The following KCNMB2 variants were observed in gnomAD, a reference collection of about 807,000 sequenced individuals.
KCNMB2 encodes potassium calcium-activated channel subfamily M regulatory beta subunit 2, also known as calcium-activated potassium channel subunit beta-2.
A neutral mutation model predicts 24.5 loss-of-function variants in KCNMB2; 9 were observed. The ratio of observed to expected loss-of-function variants is 0.37; its 90% CI spans 0.22 to 0.64. The LOEUF (loss-of-function observed/expected upper bound fraction) is 0.64. KCNMB2 is among the 30% of genes least tolerant of loss of function. KCNMB2 has a pLI of 0.63. For synonymous variants in KCNMB2, 109 were observed against 104.4 expected, an observed-to-expected ratio of 1.04 and a Z score of -0.27; for missense variants, 226 against 284.3, an observed-to-expected ratio of 0.79 and a Z score of 1.47.
intron 1 of KCNMB2, among the ~76,000 whole-genome samples, chr3:178,762,827 T>C (rs1336854292): frequency 1.3e-5 from 2 of 150,798 alleles, no homozygotes; most frequent in Non-Finnish European, 2.9e-5. Context: ...ACTGAGTAGA[T>C]TGTATGATCA....
At chr3:178,693,169 T>C (rs1042771714) in intron 1 of KCNMB2, among the ~76,000 whole-genome samples, 5 of 152,224 alleles carry the variant, frequency 3.3e-5, no homozygotes, top group Non-Finnish European at 5.9e-5. Flanking sequence ...TGGGGTTTTC[T>C]AGATATAGGA....
intron 2 of KCNMB2, among the ~76,000 whole-genome samples, chr3:178,815,140 G>A (rs1714355839): frequency 6.6e-6 from 1 of 151,762 alleles, no homozygotes; most frequent in South Asian, 2.1e-4. Context: ...TTTGTTTTTT[G>A]TTTTGTTTTG....
intron 1 of KCNMB2, among the ~76,000 whole-genome samples, chr3:178,739,690 G>A (rs1335465109): frequency 6.6e-6 from 1 of 152,144 alleles, no homozygotes; most frequent in Non-Finnish European, 1.5e-5. Flanking sequence ...ATAGTCTACA[G>A]GAAAAAGATG....
chr3:178,839,735 A>G (rs1241840301), intron 4 of KCNMB2, among the ~76,000 whole-genome samples: 1 of 152,126 alleles, frequency 6.6e-6, no homozygotes, highest in Non-Finnish European at 1.5e-5. Flanking sequence ...GAACTCACTC[A>G]TTATCATGAG....
chr3:178,824,144 C>A (rs1230304837), intron 2 of KCNMB2, among the ~76,000 whole-genome samples: 1 of 152,166 alleles, frequency 6.6e-6, no homozygotes, highest in African/African-American at 2.4e-5. Flanking sequence ...CCCCAAGCAC[C>A]CAGCACTTCC....
At chr3:178,691,105 G>GTTTTTT (rs1310077931) in intron 1 of KCNMB2, among the ~76,000 whole-genome samples, 6 of 32,958 alleles carry the variant, frequency 1.8e-4, no homozygotes, top group African/African-American at 4.7e-4. Flanking sequence ...TCCCCATTAA[G>GTTTTTT]TCTTTTTTTT....
At chr3:178,772,048 C>T (rs1259541274) in intron 1 of KCNMB2, among the ~76,000 whole-genome samples, 1 of 152,178 alleles carries the variant, frequency 6.6e-6, no homozygotes, top group African/African-American at 2.4e-5. Context: ...TTCAGGTCCT[C>T]ATCAAAATGT....
chr3:178,556,660 C>A (rs1171864157), intron 1 of KCNMB2, among the ~76,000 whole-genome samples: 1 of 152,162 alleles, frequency 6.6e-6, no homozygotes, highest in African/African-American at 2.4e-5. Context: ...CCACCTCGGC[C>A]TCCCAAAGTG....
chr3:178,668,166 G>T (rs1720784504), intron 1 of KCNMB2, among the ~76,000 whole-genome samples: 1 of 152,132 alleles, frequency 6.6e-6, no homozygotes, highest in Non-Finnish European at 1.5e-5. Flanking sequence ...TCTGCGGCAA[G>T]CCCTCTGCTA....
chr3:178,625,671 A>T (rs902869420), intron 1 of KCNMB2, among the ~76,000 whole-genome samples: 2 of 152,202 alleles, frequency 1.3e-5, no homozygotes, highest in Non-Finnish European at 2.9e-5. Flanking sequence ...AGACAGCCCT[A>T]AGTTCAAATA....
At chr3:178,778,624 A>C (rs1478080074) in intron 1 of KCNMB2, among the ~76,000 whole-genome samples, 1 of 152,092 alleles carries the variant, frequency 6.6e-6, no homozygotes, top group Non-Finnish European at 1.5e-5. Flanking sequence ...GAACACACCA[A>C]GGCCAGTCTT....
At chr3:178,619,481 A>C (rs909482957) in intron 1 of KCNMB2, among the ~76,000 whole-genome samples, 2 of 152,206 alleles carry the variant, frequency 1.3e-5, no homozygotes, top group African/African-American at 4.8e-5. Context: ...AAGAGGATTA[A>C]AATGCTCTTG....
intron 1 of KCNMB2, among the ~76,000 whole-genome samples, chr3:178,601,202 G>T (rs999316731): frequency 4.0e-5 from 6 of 151,636 alleles, no homozygotes; most frequent in African/African-American, 1.2e-4. Flanking sequence ...CAGGGGGTTG[G>T]GGGGGAAGGG....
intron 1 of KCNMB2, among the ~76,000 whole-genome samples, chr3:178,771,973 T>TCTTACCTACTCACTCCATAGCTAAATTC (rs1712387409): frequency 6.6e-6 from 1 of 152,170 alleles, no homozygotes; most frequent in Admixed American, 6.6e-5. Context: ...TTGCTAAATT[T>TCTTACCTACTCACTCCATAGCTAAATTC]CTTACCTACT....
intron 1 of KCNMB2, among the ~76,000 whole-genome samples, chr3:178,696,722 T>A (rs796091998): frequency 2.6e-5 from 4 of 152,334 alleles, no homozygotes; most frequent in African/African-American, 9.6e-5. Context: ...TCTAACTTTT[T>A]GATGTGTGCA....
intron 1 of KCNMB2, among the ~76,000 whole-genome samples, chr3:178,692,551 T>G (rs1721718836): frequency 6.6e-6 from 1 of 152,204 alleles, no homozygotes; most frequent in Admixed American, 6.5e-5. Flanking sequence ...ATAAGATAGT[T>G]GTAGGTGTGC....
intron 1 of KCNMB2, among the ~76,000 whole-genome samples, chr3:178,732,800 C>T (rs578010331): frequency 1.3e-5 from 2 of 152,272 alleles, no homozygotes; most frequent in East Asian, 1.9e-4. Flanking sequence ...AGGAACCTAA[C>T]TCTGTATTTC....
intron 1 of KCNMB2, among the ~76,000 whole-genome samples, chr3:178,611,709 AAAACAAAC>A (rs939774233): frequency 2.0e-5 from 3 of 152,064 alleles, no homozygotes; most frequent in Non-Finnish European, 4.4e-5. Context: ...TGTCTCACAA[AAAACAAAC>A]AAACAAACAA....
chr3:178,628,237 A>G (rs2035178), intron 1 of KCNMB2, among the ~76,000 whole-genome samples: 55,239 of 151,866 alleles, frequency 0.36, 10,728 homozygotes, highest in African/African-American at 0.51. Flanking sequence ...TTCTGCTTCA[A>G]TGCTAAAAGG....
Sources: gnomAD v4.1 joint callset for allele counts (sites outside exome capture counted in the v4.1 genomes callset) on GRCh38, gnomAD v4.1.1 for gene constraint, MANE v1.5 for transcripts, NCBI Gene and HGNC (gene_info 2026-07-23, HGNC 2026-07-21) for gene names.